The following AUTS2 variants were observed in gnomAD, a reference collection of about 807,000 sequenced individuals.
AUTS2 encodes the protein autism susceptibility gene 2 protein.
In AUTS2, 17 loss-of-function variants were observed where a neutral mutation model predicts 112.4. The ratio of observed to expected loss-of-function variants is 0.15; its 90% CI spans 0.10 to 0.23. The LOEUF (loss-of-function observed/expected upper bound fraction) is 0.23. Ranked by LOEUF, AUTS2 falls within the 10% of genes least tolerant of loss-of-function variation. The pLI is 1.00. For missense variants in AUTS2, 1,510 were observed against 1,701.6 expected, an observed-to-expected ratio of 0.89 and a Z score of 1.98; for synonymous variants, 751 against 702.7, an observed-to-expected ratio of 1.07 and a Z score of -1.09.
At position 69,870,523 on chromosome 7, in the gene AUTS2, C is replaced by CA. The variant is rs1327335912; in HGVS notation, c.310-28751dup. The stretch of plus-strand genomic sequence containing the variant: ...ACATATGTAAGTACCAGGGATGAAA[C>CA]AAAAAAAAAAAATAAAACAACATGT... On this transcript the variant is annotated intron_variant, in intron 1 of 18. Coordinates refer to ENST00000342771, the MANE Select transcript of AUTS2 (RefSeq NM_015570.4). 2.4e-3 allele frequency among the ~76,000 whole-genome samples: 273 copies of CA among 113,152 alleles called. 3 individuals carry two copies. Among genetic ancestry groups the CA allele is most frequent in the South Asian group, 6.1e-3 (22 of 3,624 alleles). 74.2% of individuals were successfully genotyped at this position (113,152 alleles called of 152,430 possible).
At chr7:70,718,885 A>C (rs1159226450) in intron 6 of AUTS2, among the ~76,000 whole-genome samples, 1 of 152,148 alleles carries the variant, frequency 6.6e-6, no homozygotes, top group Non-Finnish European at 1.5e-5. Flanking sequence ...TTGAGAGTGA[A>C]ATCGACTGTT....
chr7:69,886,456 T>C (rs1467401671), intron 1 of AUTS2, among the ~76,000 whole-genome samples: 1 of 152,208 alleles, frequency 6.6e-6, no homozygotes, highest in African/African-American at 2.4e-5. Context: ...CTTCCTGATA[T>C]GCTGTGTAAA....
At chr7:70,531,576 A>G (rs890897577) in intron 5 of AUTS2, among the ~76,000 whole-genome samples, 27 of 152,140 alleles carry the variant, frequency 1.8e-4, no homozygotes, top group Admixed American at 1.7e-3. Context: ...GAGACGGAGC[A>G]AAAGAAAGGG....
chr7:69,602,234 T>G (rs540259878), intron 1 of AUTS2, among the ~76,000 whole-genome samples: 12 of 152,198 alleles, frequency 7.9e-5, no homozygotes, highest in Admixed American at 3.3e-4. Flanking sequence ...AAAAAACTTG[T>G]AATTTTAAAA....
At chr7:70,540,976 C>A (rs1800530517) in intron 5 of AUTS2, among the ~76,000 whole-genome samples, 1 of 152,168 alleles carries the variant, frequency 6.6e-6, no homozygotes, top group Non-Finnish European at 1.5e-5. Flanking sequence ...ATGGAAACCT[C>A]TAATTCATGC....
Position 69,766,085 on chromosome 7 carries a change from C to T in AUTS2, c.310-133201C>T, listed in dbSNP as rs191789285. ...GTCTTGCAAAACTGAAACTGTCTAC[C>T]ATTAAATAACAACCGCCCATTCTCT... On this transcript the variant is annotated intron_variant, in intron 1 of 18. Transcript: ENST00000342771. 1.4e-3 allele frequency among the ~76,000 whole-genome samples: 220 copies of T among 152,316 alleles called. 1 individual carries two copies. The highest frequency in any genetic ancestry group is 4.4e-3 in the African/African-American group (184 of 41,566).
At chr7:70,362,803 C>T (rs1480503333) in intron 4 of AUTS2, among the ~76,000 whole-genome samples, 1 of 152,110 alleles carries the variant, frequency 6.6e-6, no homozygotes, top group African/African-American at 2.4e-5. Flanking sequence ...ATTTTTTCAA[C>T]AGATACTTAA....
intron 5 of AUTS2, among the ~76,000 whole-genome samples, chr7:70,552,742 TG>T (rs1801064991): frequency 6.6e-6 from 1 of 152,210 alleles, no homozygotes; most frequent in Non-Finnish European, 1.5e-5. Context: ...AAGTGCTTGA[TG>T]GCCCAGATCC....
chr7:69,646,319 C>G (rs953879370), intron 1 of AUTS2, among the ~76,000 whole-genome samples: 2 of 152,108 alleles, frequency 1.3e-5, no homozygotes, highest in African/African-American at 4.8e-5. Flanking sequence ...GGAACATTTT[C>G]AAGTCTGTAA....
intron 4 of AUTS2, among the ~76,000 whole-genome samples, chr7:70,363,362 C>T (rs1402329019): frequency 2.1e-5 from 3 of 140,716 alleles, no homozygotes; most frequent in African/African-American, 6.3e-5. Flanking sequence ...CTAGATGACA[C>T]ATTGGTGGGT....
intron 2 of AUTS2, among the ~76,000 whole-genome samples, chr7:69,916,220 C>T (rs945824417): frequency 6.6e-6 from 1 of 152,168 alleles, no homozygotes; most frequent in Non-Finnish European, 1.5e-5. Context: ...GGTAGTTTCC[C>T]AGTGAATTTA....
chr7:69,703,344 C>A (rs1422831130), intron 1 of AUTS2, among the ~76,000 whole-genome samples: 1 of 152,166 alleles, frequency 6.6e-6, no homozygotes, highest in African/African-American at 2.4e-5. Flanking sequence ...ATTGGCAGAG[C>A]TATTAAGATG....
intron 1 of AUTS2, among the ~76,000 whole-genome samples, chr7:69,698,759 C>T (rs1284632168): frequency 6.6e-6 from 1 of 152,050 alleles, no homozygotes; most frequent in Admixed American, 6.5e-5. Context: ...GATTTTTATT[C>T]ATGCTTTTGG....
chr7:69,729,018 T>C (rs1381840597), intron 1 of AUTS2, among the ~76,000 whole-genome samples: 1 of 152,186 alleles, frequency 6.6e-6, no homozygotes, highest in African/African-American at 2.4e-5. Context: ...ATGATACATT[T>C]ATAATTTTGT....
chr7:70,298,561 A>G (rs933722402), intron 4 of AUTS2, among the ~76,000 whole-genome samples: 2 of 152,222 alleles, frequency 1.3e-5, no homozygotes, highest in Admixed American at 1.3e-4. Context: ...GCAGTGTCCC[A>G]AGAGATAAAG....
intron 5 of AUTS2, among the ~76,000 whole-genome samples, chr7:70,620,659 A>G (rs1479989277): frequency 6.6e-6 from 1 of 151,620 alleles, no homozygotes; most frequent in African/African-American, 2.4e-5. Flanking sequence ...AGGATTTCTC[A>G]CCCTTTTCAT....
chr7:69,790,906 C>T (rs1789581581), intron 1 of AUTS2, among the ~76,000 whole-genome samples: 2 of 152,160 alleles, frequency 1.3e-5, no homozygotes. Flanking sequence ...GCAAGGAGAC[C>T]CAACTGGGTT....
In AUTS2 at chr7:70,748,013, A is replaced by G. The variant is rs1189169914; in HGVS notation, c.743-14857A>G. Reference sequence around the variant, plus strand: ...ATTTTTTTTTTTTTTTTTTTTTAGTAGAGATGGGGTTTCACCATGTTAGCA... The same window carrying G: ...ATTTTTTTTTTTTTTTTTTTTTAGTGGAGATGGGGTTTCACCATGTTAGCA... On this transcript the variant is annotated intron_variant, in intron 6 of 18. Coordinates refer to ENST00000342771, the MANE Select transcript of AUTS2 (RefSeq NM_015570.4). Among the ~76,000 whole-genome samples, 31 of 97,574 alleles carry G rather than the reference A, an allele frequency of 3.2e-4. No homozygotes were observed. The Admixed American group carries it at 3.7e-3, about 12-fold the overall frequency. The allele number at this position is 97,574 out of a possible 152,430, so 64.0% of individuals were successfully genotyped here. A position where few individuals can be genotyped will look rare whatever the true frequency, so the allele number is the denominator to read the frequency against.
intron 2 of AUTS2, among the ~76,000 whole-genome samples, chr7:70,016,120 A>G (rs1224472908): frequency 1.3e-5 from 2 of 152,132 alleles, no homozygotes; most frequent in Non-Finnish European, 2.9e-5. Flanking sequence ...ATTAATGCAG[A>G]ACTCACCCTA....
Sources: allele counts gnomAD v4.1 joint callset (sites outside exome capture counted in the v4.1 genomes callset), GRCh38; gene constraint gnomAD v4.1.1; transcripts MANE v1.5; gene names NCBI Gene and HGNC (gene_info 2026-07-23, HGNC 2026-07-21).